Variants in NFIB observed in about 807,000 individuals in gnomAD.
NFIB encodes nuclear factor I B.
Under a neutral mutation model 61.5 loss-of-function variants are expected in NFIB, and 11 were observed. The ratio of observed to expected loss-of-function variants is 0.18; its 90% confidence interval spans 0.11 to 0.30. The LOEUF is 0.30. NFIB is among the 10% of genes least tolerant of loss of function. The pLI is 1.00. For missense variants in NFIB, 471 were observed against 608.9 expected, an observed-to-expected ratio of 0.77 and a Z score of 2.38; for synonymous variants, 260 against 216.5, an observed-to-expected ratio of 1.20 and a Z score of -1.76.
chr9:14,446,375 C>T, the NFIB span, among the ~76,000 whole-genome samples: 1 of 152,180 alleles, frequency 6.6e-6, no homozygotes, highest in Non-Finnish European at 1.5e-5. Flanking sequence ...TCCAGTCCAA[C>T]CTACATTACG....
upstream of NFIB, among the ~76,000 whole-genome samples, chr9:14,400,010 ACAATACTAGAT>A (rs777919598): frequency 5.3e-5 from 8 of 152,014 alleles, no homozygotes; most frequent in Non-Finnish European, 8.8e-5. Flanking sequence ...GCTGTAACAA[ACAATACTAGAT>A]CAAAGGCAAA....
At chr9:14,446,151 A>T in the NFIB span, among the ~76,000 whole-genome samples, 1 of 152,026 alleles carries the variant, frequency 6.6e-6, no homozygotes, top group Non-Finnish European at 1.5e-5. Flanking sequence ...TTTTAAGGTA[A>T]TTTCCTCATT....
intron 1 of NFIB, among the ~76,000 whole-genome samples, chr9:14,391,160 AC>A (rs1156619561): frequency 1.3e-5 from 2 of 152,210 alleles, no homozygotes; most frequent in Non-Finnish European, 2.9e-5. Flanking sequence ...CAGGAGAGTA[AC>A]TTTTTAGCGG....
intron 10 of NFIB, among the ~76,000 whole-genome samples, chr9:14,111,681 G>GC (rs2037400423): frequency 1.3e-5 from 2 of 152,160 alleles, no homozygotes; most frequent in South Asian, 4.1e-4. Flanking sequence ...TGAAAAAAAA[G>GC]CAACATTCCA....
At chr9:14,182,683 C>CCTCTCTCTCT (rs144528136) in intron 2 of NFIB, among the ~76,000 whole-genome samples, 1,578 of 40,934 alleles carry the variant, frequency 0.039, 151 homozygotes, top group Non-Finnish European at 0.072. Flanking sequence ...ACACCCCCCA[C>CCTCTCTCTCT]CTCTCTCTCT....
the NFIB span, among the ~76,000 whole-genome samples, chr9:14,507,705 G>C: frequency 6.6e-6 from 1 of 152,140 alleles, no homozygotes; most frequent in African/African-American, 2.4e-5. Context: ...CTGGCAGAGT[G>C]TTAGGTTTTT....
At chr9:14,262,878 T>G (rs1340856307) in intron 2 of NFIB, among the ~76,000 whole-genome samples, 5 of 152,132 alleles carry the variant, frequency 3.3e-5, no homozygotes, top group Non-Finnish European at 1.5e-5. Flanking sequence ...CTCTGGTCCT[T>G]TTTCTAGTAA....
the NFIB span, among the ~76,000 whole-genome samples, chr9:14,438,045 CGTGTGCACGCATGTGTGT>C: frequency 6.7e-6 from 1 of 149,208 alleles, no homozygotes. Context: ...TATGTGCGTG[CGTGTGCACGCATGTGTGT>C]GTGTGTGAGA....
At chr9:14,089,840 A>G (rs541285733) in intron 10 of NFIB, among the ~76,000 whole-genome samples, 3 of 152,238 alleles carry the variant, frequency 2.0e-5, no homozygotes, top group South Asian at 2.1e-4. Flanking sequence ...CTTGATACAT[A>G]CTGTTTTTAC....
At chr9:14,489,207 T>C in the NFIB span, among the ~76,000 whole-genome samples, 2 of 152,170 alleles carry the variant, frequency 1.3e-5, no homozygotes, top group African/African-American at 4.8e-5. Flanking sequence ...CTGAAAAGGG[T>C]TATAAGCAAA....
At chr9:14,118,813 G>T (rs1464737617) in intron 8 of NFIB, among the ~76,000 whole-genome samples, 1 of 145,476 alleles carries the variant, frequency 6.9e-6, no homozygotes. Context: ...TTCCTTAGAA[G>T]GTGATATGTA....
intron 2 of NFIB, among the ~76,000 whole-genome samples, chr9:14,285,976 C>G (rs117346254): frequency 0.031 from 4,740 of 151,180 alleles, 91 homozygotes; most frequent in Non-Finnish European, 0.048. Flanking sequence ...TTAGATAGTA[C>G]TCCTGATTTC....
intron 10 of NFIB, among the ~76,000 whole-genome samples, chr9:14,102,949 T>C (rs1301878640): frequency 6.6e-6 from 1 of 152,172 alleles, no homozygotes; most frequent in Non-Finnish European, 1.5e-5. Flanking sequence ...ACAGAAGACA[T>C]GCAGTTTAGA....
the NFIB span, among the ~76,000 whole-genome samples, chr9:14,413,544 G>A: frequency 6.6e-6 from 1 of 152,082 alleles, no homozygotes; most frequent in Non-Finnish European, 1.5e-5. Flanking sequence ...GTAAAGTGAA[G>A]ACACTAGTAA....
At chr9:14,163,184 T>C (rs1375203045) in intron 3 of NFIB, among the ~76,000 whole-genome samples, 1 of 151,232 alleles carries the variant, frequency 6.6e-6, no homozygotes, top group African/African-American at 2.4e-5. Context: ...AATTTCCAAA[T>C]TAGCAAAGAG....
the NFIB span, among the ~76,000 whole-genome samples, chr9:14,502,517 G>C: frequency 1.3e-5 from 2 of 152,154 alleles, no homozygotes; most frequent in Non-Finnish European, 2.9e-5. Context: ...AACATCACTG[G>C]ATTCCACTTG....
the NFIB span, among the ~76,000 whole-genome samples, chr9:14,511,269 G>C: frequency 1.3e-5 from 2 of 151,812 alleles, no homozygotes; most frequent in African/African-American, 4.8e-5. Context: ...TTTTTTGTGT[G>C]TATGTTTATT....
At chr9:14,369,003 G>C (rs2061330525) in intron 1 of NFIB, among the ~76,000 whole-genome samples, 1 of 152,106 alleles carries the variant, frequency 6.6e-6, no homozygotes, top group Admixed American at 6.6e-5. Context: ...CAGGTTTTTG[G>C]TACTGTGTAT....
intron 2 of NFIB, among the ~76,000 whole-genome samples, chr9:14,225,656 T>C (rs2052301456): frequency 6.6e-6 from 1 of 151,994 alleles, no homozygotes; most frequent in African/African-American, 2.4e-5. Context: ...TATTAAAGTC[T>C]GATATAGAAA....
Sources: gnomAD v4.1 joint callset for allele counts (sites outside exome capture counted in the v4.1 genomes callset) on GRCh38, gnomAD v4.1.1 for gene constraint, MANE v1.5 for transcripts, NCBI Gene and HGNC (gene_info 2026-07-23, HGNC 2026-07-21) for gene names.